The following MARCHF11 variants were observed in gnomAD, a reference collection of about 807,000 sequenced individuals.
MARCHF11 encodes membrane associated ring-CH-type finger 11, also known as E3 ubiquitin-protein ligase MARCHF11.
MARCHF11 carries 29 observed loss-of-function variants against 37.3 expected under a neutral mutation model. The observed-to-expected ratio is 0.78, with a 90% CI of 0.58 to 1.06. The LOEUF is 1.06. Among genes scored for constraint, MARCHF11 ranks in the 50% least tolerant of loss-of-function variants. MARCHF11 has a pLI of 0.00. For synonymous variants in MARCHF11, 233 were observed against 228.0 expected (o/e 1.02, Z -0.20); for missense variants, 482 against 533.4 (o/e 0.90, Z 0.95).
chr5:16,103,257 T>C (rs1045740610), intron 2 of MARCHF11, among the ~76,000 whole-genome samples: 2 of 152,152 alleles, frequency 1.3e-5, no homozygotes, highest in African/African-American at 4.8e-5. Context: ...GAGCTGAGTT[T>C]GACAGGATGG....
intron 3 of MARCHF11, among the ~76,000 whole-genome samples, chr5:16,078,726 T>TG (rs570066190): frequency 6.6e-6 from 1 of 152,296 alleles, no homozygotes; most frequent in African/African-American, 2.4e-5. Flanking sequence ...CAGTGAGGGA[T>TG]GGGGACAGGT....
At chr5:16,076,043 T>A (rs1560967396) in intron 3 of MARCHF11, among the ~76,000 whole-genome samples, 1 of 152,206 alleles carries the variant, frequency 6.6e-6, no homozygotes, top group Non-Finnish European at 1.5e-5. Flanking sequence ...AGATATGGAT[T>A]CCTCCCTGTC....
At chr5:16,100,844 A>C (rs779613995) in intron 2 of MARCHF11, among the ~76,000 whole-genome samples, 1 of 152,232 alleles carries the variant, frequency 6.6e-6, no homozygotes, top group Non-Finnish European at 1.5e-5. Context: ...AGCAACAACT[A>C]TTTGGACTGA....
At chr5:16,099,959 T>C (rs893723103) in intron 2 of MARCHF11, among the ~76,000 whole-genome samples, 2 of 152,162 alleles carry the variant, frequency 1.3e-5, no homozygotes, top group Non-Finnish European at 2.9e-5. Flanking sequence ...GAATTTAGAA[T>C]GTCAATAAAA....
intron 2 of MARCHF11, among the ~76,000 whole-genome samples, chr5:16,120,684 A>G (rs771112911): frequency 1.4e-4 from 21 of 152,142 alleles, no homozygotes; most frequent in Non-Finnish European, 2.8e-4. Flanking sequence ...GCTGGAATCT[A>G]TTTCCCCACC....
At chr5:16,119,775 C>G (rs1737283481) in intron 2 of MARCHF11, among the ~76,000 whole-genome samples, 1 of 152,072 alleles carries the variant, frequency 6.6e-6, no homozygotes, top group Non-Finnish European at 1.5e-5. Flanking sequence ...TCAAATTATT[C>G]CTCTAAGGCA....
chr5:16,138,452 CAA>C (rs1737646727), intron 2 of MARCHF11, among the ~76,000 whole-genome samples: 1 of 152,206 alleles, frequency 6.6e-6, no homozygotes, highest in Non-Finnish European at 1.5e-5. Flanking sequence ...GATGTCCAAG[CAA>C]AAGTTTATTG....
At chr5:16,148,204 G>T (rs1737836513) in intron 2 of MARCHF11, among the ~76,000 whole-genome samples, 1 of 151,736 alleles carries the variant, frequency 6.6e-6, no homozygotes, top group African/African-American at 2.4e-5. Context: ...GGAAACAGAG[G>T]GCATGAATTT....
chr5:16,067,865 A>G, intron 3 of MARCHF11, 72 bp from the exon 4 acceptor site: 2 of 1,307,674 alleles, frequency 1.5e-6, no homozygotes, highest in South Asian at 2.9e-5. Flanking sequence ...TTTTGTATAC[A>G]AGTAAGGGAT....
intron 2 of MARCHF11, among the ~76,000 whole-genome samples, chr5:16,148,366 A>G (rs2126596196): frequency 6.6e-6 from 1 of 152,242 alleles, no homozygotes; most frequent in Non-Finnish European, 1.5e-5. Flanking sequence ...CAGTGGCTAC[A>G]TGGGATTTTC....
chr5:16,143,932 G>T (rs1293181704), intron 2 of MARCHF11, among the ~76,000 whole-genome samples: 2 of 152,152 alleles, frequency 1.3e-5, no homozygotes, highest in Non-Finnish European at 2.9e-5. Context: ...GTAGTCAGTA[G>T]ATCCCACAGG....
At chr5:16,151,626 G>C (rs1737890285) in intron 2 of MARCHF11, among the ~76,000 whole-genome samples, 1 of 143,148 alleles carries the variant, frequency 7.0e-6, no homozygotes, top group South Asian at 2.3e-4. Flanking sequence ...ATGTCTGTGT[G>C]TGTGTGTGCA....
chr5:16,106,816 G>A (rs1480485921), intron 2 of MARCHF11, among the ~76,000 whole-genome samples: 1 of 152,170 alleles, frequency 6.6e-6, no homozygotes, highest in Admixed American at 6.5e-5. Context: ...GACCCAAACT[G>A]TCAATAGTGC....
intron 2 of MARCHF11, among the ~76,000 whole-genome samples, chr5:16,128,145 G>A (rs543806982): frequency 1.3e-5 from 2 of 152,234 alleles, no homozygotes; most frequent in Admixed American, 1.3e-4. Context: ...TATCAGGGCT[G>A]ATGCAGGCTA....
In MARCHF11 at chr5:16,096,338, A is replaced by G. The variant is rs143240443; in HGVS notation, c.694-5257T>C. The stretch of plus-strand genomic sequence containing the variant: ...TTGTTAATTTTAACACGAAGACGAC[A>G]AACTCAAGGAGTTATATCTCTTTAA... On this transcript the variant is annotated intron_variant, in intron 2 of 3. Coordinates refer to ENST00000332432, the MANE Select transcript of MARCHF11 (RefSeq NM_001102562.3). Among the ~76,000 whole-genome samples the G allele has an allele frequency of 2.8e-3, 428 of 152,366 alleles. 5 individuals carry two copies. Among genetic ancestry groups the G allele is most frequent in the African/African-American group, 9.3e-3 (388 of 41,588 alleles).
At chr5:16,108,040 A>G (rs1002428516) in intron 2 of MARCHF11, among the ~76,000 whole-genome samples, 1 of 152,196 alleles carries the variant, frequency 6.6e-6, no homozygotes, top group African/African-American at 2.4e-5. Context: ...AGGATACAGA[A>G]AGCTGTCATA....
chr5:16,070,844 C>T (rs1736424292), intron 3 of MARCHF11, among the ~76,000 whole-genome samples: 1 of 152,166 alleles, frequency 6.6e-6, no homozygotes, highest in Non-Finnish European at 1.5e-5. Flanking sequence ...TTTTATTCCC[C>T]AAGAGCATTC....
Position 16,179,081 on chromosome 5 carries a change from G to A in MARCHF11, c.495C>T (p.His165=), listed in dbSNP as rs747021686. 1.3e-6 allele frequency: 2 copies of A among 1,495,438 alleles called. No homozygotes were observed. Among genetic ancestry groups the A allele is most frequent in the South Asian group, 2.5e-5 (2 of 81,476 alleles). The allele number at this position is 1,495,438 out of a possible 1,614,324, so 92.6% of individuals were successfully genotyped here. ...GDQRAGHQHQ[H]HQPICKICFQ... ...AGCAGATCTTGCAGATGGGCTGGTG[G>A]TGCTGGTGCTGGTGCCCAGCGCGCT... The change falls in exon 1 of 4, where the codon CAC becomes CAT. Residue 165 remains histidine (H), a synonymous_variant. Transcript: ENST00000332432.
rs192985899 is a variant in MARCHF11, at chr5:16,148,513, A to T, written c.693+29213T>A. On this transcript the variant is annotated intron_variant, in intron 2 of 3. Coordinates refer to ENST00000332432, the MANE Select transcript of MARCHF11 (RefSeq NM_001102562.3). ...GTGCAGAATGGCAGGTTTGGTGATG[A>T]AGACAGAGGAAGAGGGAATAAGCAT... Among the ~76,000 whole-genome samples the T allele has an allele frequency of 7.2e-5, 11 of 152,258 alleles. 1 individual carries two copies. Among genetic ancestry groups the T allele is most frequent in the Admixed American group, 6.5e-4 (10 of 15,268 alleles).
Sources: allele counts gnomAD v4.1 joint callset (sites outside exome capture counted in the v4.1 genomes callset), GRCh38; gene constraint gnomAD v4.1.1; transcripts MANE v1.5; gene names NCBI Gene and HGNC (gene_info 2026-07-23, HGNC 2026-07-21).